Variants in IMPG1 observed in about 807,000 individuals in gnomAD.
The protein encoded by IMPG1 is interphotoreceptor matrix proteoglycan of 150 kDa.
A neutral mutation model predicts 92.0 loss-of-function variants in IMPG1; 85 were observed. The observed-to-expected ratio is 0.92, with a 90% CI of 0.78 to 1.11. The LOEUF is 1.11. Ranked by LOEUF, IMPG1 falls within the 50% of genes least tolerant of loss-of-function variation. The probability of loss-of-function intolerance (pLI) is 0.00; values close to 1 mark genes in which losing one functional copy is unlikely to be tolerated. For missense variants in IMPG1, 1,022 were observed against 956.0 expected (o/e 1.07, Z -0.91); for synonymous variants, 367 against 334.1 (o/e 1.10, Z -1.08).
Position 75,992,758 on chromosome 6 carries a change from C to T in IMPG1, c.1291+10160G>A, listed in dbSNP as rs114400449. ...CCTACTTATTTCTCAGCATTCTTCC[C>T]TGAAACTCACTCCAGTCTCTGCAGC... On this transcript the variant is annotated intron_variant, in intron 12 of 16. Transcript: ENST00000369950. 6.2e-3 allele frequency among the ~76,000 whole-genome samples: 946 copies of T among 152,226 alleles called. 11 individuals carry two copies. Among genetic ancestry groups the T allele is most frequent in the African/African-American group, 0.022 (901 of 41,508 alleles).
chr6:76,070,240 C>T (rs1027151401), intron 1 of IMPG1, among the ~76,000 whole-genome samples: 3 of 152,148 alleles, frequency 2.0e-5, no homozygotes, highest in African/African-American at 7.2e-5. Context: ...CTCAATGTCA[C>T]TAATCTCAGA....
intron 12 of IMPG1, among the ~76,000 whole-genome samples, chr6:75,973,974 A>G (rs1007317077): frequency 6.6e-5 from 10 of 152,226 alleles, no homozygotes; most frequent in African/African-American, 2.4e-4. Context: ...AGCAAAAATT[A>G]TCAAGTGCAG....
chr6:76,042,548 C>T (rs529564293), intron 1 of IMPG1, among the ~76,000 whole-genome samples: 4 of 152,070 alleles, frequency 2.6e-5, no homozygotes, highest in Non-Finnish European at 4.4e-5. Flanking sequence ...TTCTAAAAAC[C>T]TAGCGGAACA....
At chr6:76,032,198 T>C (rs1783664206) in intron 4 of IMPG1, among the ~76,000 whole-genome samples, 1 of 152,234 alleles carries the variant, frequency 6.6e-6, no homozygotes, top group Non-Finnish European at 1.5e-5. Flanking sequence ...TTTCCTTTTC[T>C]TTCTGGCTTG....
At position 76,022,137 on chromosome 6, in the gene IMPG1, G is replaced by C. The variant is rs41269331; in HGVS notation, c.645C>G (p.Asn215Lys). 4 of 1,585,084 alleles carry C rather than the reference G, an allele frequency of 2.5e-6. No individual in the cohort carries two copies. The highest frequency in any genetic ancestry group is 3.5e-6 in the Non-Finnish European group (4 of 1,158,594). ...TTACTGTTGTAGGCATCTTGGTGTC[G>C]TTGAGTGTATTATCGAGAATTTCAT... Reference protein sequence around the residue: ...LLNEILDNTLNDTKMPTTERE... With the variant: ...LLNEILDNTLKDTKMPTTERE... Residue 215 changes from asparagine (N) to lysine (K), a missense_variant, in exon 6 of 17, where the codon AAC (asparagine) becomes AAG (lysine). Asn to Lys is a moderately conservative substitution (Grantham distance 94, BLOSUM62 0). Transcript: ENST00000369950.
chr6:76,017,570 G>T (rs1310553301), intron 7 of IMPG1, among the ~76,000 whole-genome samples: 3 of 151,988 alleles, frequency 2.0e-5, no homozygotes, highest in African/African-American at 7.3e-5. Context: ...CTTTATTGAG[G>T]TATAATTGAC....
At chr6:75,983,663 T>C (rs1280646098) in intron 12 of IMPG1, among the ~76,000 whole-genome samples, 1 of 152,176 alleles carries the variant, frequency 6.6e-6, no homozygotes, top group Non-Finnish European at 1.5e-5. Context: ...GAAAATGGTC[T>C]GGGCAATGAT....
chr6:75,942,063 G>A (rs1002571626), intron 14 of IMPG1, among the ~76,000 whole-genome samples: 5 of 152,176 alleles, frequency 3.3e-5, no homozygotes, highest in African/African-American at 9.7e-5. Context: ...GGTCAGGGAA[G>A]GGTGAAAGGG....
chr6:75,922,760 T>G (rs1254677049), intron 16 of IMPG1, among the ~76,000 whole-genome samples: 1 of 152,166 alleles, frequency 6.6e-6, no homozygotes, highest in Admixed American at 6.5e-5. Flanking sequence ...TTTCCAATTT[T>G]CTTTGTTTCA....
chr6:76,006,893 G>A (rs1054876541), intron 9 of IMPG1, among the ~76,000 whole-genome samples: 4 of 151,962 alleles, frequency 2.6e-5, no homozygotes, highest in African/African-American at 9.7e-5. Flanking sequence ...TGATGTAGAA[G>A]TGTTTTAAAG....
intron 1 of IMPG1, among the ~76,000 whole-genome samples, chr6:76,046,703 C>G (rs916972052): frequency 1.3e-5 from 2 of 152,128 alleles, no homozygotes; most frequent in African/African-American, 4.8e-5. Flanking sequence ...ATAATAATAC[C>G]TCCCTTACAG....
At position 75,937,999 on chromosome 6, in the gene IMPG1, T is replaced by C. The variant is rs113488654; in HGVS notation, c.2045-6848A>G. ...CAGCCTAAATGAAAGACGACTCTAG[T>C]TGCTGGAGATGCTGGCAGAATACTG... On this transcript the variant is annotated intron_variant, in intron 14 of 16. Coordinates refer to ENST00000369950, the MANE Select transcript of IMPG1 (RefSeq NM_001563.4). Among the ~76,000 whole-genome samples the C allele has an allele frequency of 8.4e-3, 1,286 of 152,350 alleles. 19 individuals carry two copies. The highest frequency in any genetic ancestry group is 0.03 in the African/African-American group (1,229 of 41,578).
intron 12 of IMPG1, among the ~76,000 whole-genome samples, chr6:75,955,158 C>G (rs866981601): frequency 2.0e-5 from 3 of 152,110 alleles, no homozygotes; most frequent in Middle Eastern, 6.8e-3. Flanking sequence ...AGAAAGTCAA[C>G]AGTAGCTTTA....
chr6:76,004,837 A>G (rs1783063465), intron 10 of IMPG1, among the ~76,000 whole-genome samples: 1 of 152,120 alleles, frequency 6.6e-6, no homozygotes, highest in African/African-American at 2.4e-5. Context: ...GCCTCAGGGA[A>G]CTCTCCTAAT....
intron 11 of IMPG1, among the ~76,000 whole-genome samples, 167 bp downstream of exon 11, chr6:76,003,707 G>A (rs1783040573): frequency 1.3e-5 from 2 of 152,248 alleles, no homozygotes; most frequent in South Asian, 4.2e-4. Flanking sequence ...TATTAATACG[G>A]ATACTGAAAG....
intron 14 of IMPG1, among the ~76,000 whole-genome samples, chr6:75,945,913 T>C (rs1273340853): frequency 1.3e-5 from 2 of 152,210 alleles, no homozygotes; most frequent in Non-Finnish European, 2.9e-5. Context: ...GCTCCTCACG[T>C]TGACCTTCTT....
chr6:76,047,596 T>C (rs1783968555), intron 1 of IMPG1, among the ~76,000 whole-genome samples: 1 of 152,224 alleles, frequency 6.6e-6, no homozygotes, highest in African/African-American at 2.4e-5. Flanking sequence ...ATCTGTATTG[T>C]AATCTTGCCC....
intron 4 of IMPG1, among the ~76,000 whole-genome samples, chr6:76,029,518 C>G (rs970721366): frequency 6.6e-6 from 1 of 152,172 alleles, no homozygotes; most frequent in Non-Finnish European, 1.5e-5. Context: ...ATTCTAAACT[C>G]ATTAGTTGTT....
intron 12 of IMPG1, among the ~76,000 whole-genome samples, chr6:75,951,523 G>A (rs933902710): frequency 2.0e-5 from 3 of 152,128 alleles, no homozygotes; most frequent in African/African-American, 7.2e-5. Context: ...AGACAACTAG[G>A]TGTGCAGTTT....
Sources: allele counts gnomAD v4.1 joint callset (sites outside exome capture counted in the v4.1 genomes callset), GRCh38; gene constraint gnomAD v4.1.1; transcripts MANE v1.5; gene names NCBI Gene and HGNC (gene_info 2026-07-23, HGNC 2026-07-21).